Variants in TECRL observed in about 807,000 individuals in gnomAD.
The protein encoded by TECRL is trans-2,3-enoyl-CoA reductase like.
TECRL carries 63 observed loss-of-function variants against 52.8 expected under a neutral mutation model. That is an observed-to-expected ratio of 1.19 (90% CI 0.97 to 1.47). The LOEUF is 1.47. Ranked by LOEUF, TECRL falls within the 40% of genes most tolerant of loss-of-function variation. The pLI, the probability that TECRL is intolerant of heterozygous loss-of-function variation, is 0.00. For synonymous variants in TECRL, 164 were observed against 141.9 expected (o/e 1.16, Z -1.10); for missense variants, 482 against 429.6 (o/e 1.12, Z -1.08).
At chr4:64,303,256 T>C (rs563424085) in intron 7 of TECRL, among the ~76,000 whole-genome samples, 1 of 151,590 alleles carries the variant, frequency 6.6e-6, no homozygotes, top group Admixed American at 6.6e-5. Context: ...AAACAATAAA[T>C]GGCATAAGCA....
intron 1 of TECRL, among the ~76,000 whole-genome samples, chr4:64,406,506 TTCTC>T (rs566769111): frequency 1.6e-3 from 247 of 151,984 alleles, no homozygotes; most frequent in African/African-American, 3.4e-3. Context: ...GTATATTACT[TTCTC>T]TCTCCAAATG....
At chr4:64,321,330 GTTGT>G (rs928271415) in intron 4 of TECRL, among the ~76,000 whole-genome samples, 3 of 151,866 alleles carry the variant, frequency 2.0e-5, no homozygotes, top group Non-Finnish European at 4.4e-5. Flanking sequence ...ACAAAAATTG[GTTGT>G]TTAATTGTAA....
chr4:64,306,578 G>T (rs1331005889), intron 6 of TECRL, among the ~76,000 whole-genome samples: 1 of 152,122 alleles, frequency 6.6e-6, no homozygotes, highest in African/African-American at 2.4e-5. Context: ...TGAGTAGCTT[G>T]CTTACTCATC....
intron 4 of TECRL, among the ~76,000 whole-genome samples, chr4:64,316,963 G>T (rs530897629): frequency 9.9e-5 from 15 of 152,132 alleles, no homozygotes; most frequent in Non-Finnish European, 1.8e-4. Context: ...AATCTTCAAC[G>T]TGATATATGT....
chr4:64,293,701 T>C (rs1443007940), intron 8 of TECRL, among the ~76,000 whole-genome samples: 1 of 151,952 alleles, frequency 6.6e-6, no homozygotes, highest in Non-Finnish European at 1.5e-5. Flanking sequence ...GATCATTCTC[T>C]TCCTTAAAGA....
rs770190526 is a variant in TECRL, at chr4:64,322,697, A to G, written c.427T>C (p.Trp143Arg). ...YATDLGQQVSWTTVFLAEYTG... is the reference protein window; with the variant it reads ...YATDLGQQVSRTTVFLAEYTG... ...TTCAAATTAACACTTACTGTGGTCC[A>G]ACTGACTTGTTGACCTAGGTCTGTA... is the stretch of plus-strand genomic sequence containing the variant. The change falls in exon 4 of 12, where the codon TGG becomes CGG. Residue 143 changes from tryptophan (W) to arginine (R), a missense_variant. Coordinates refer to ENST00000381210, the MANE Select transcript of TECRL (RefSeq NM_001010874.5). 3 of 1,597,416 alleles carry G rather than the reference A, an allele frequency of 1.9e-6. No individual in the cohort carries two copies. The highest frequency in any genetic ancestry group is 1.3e-5 in the African/African-American group (1 of 74,398).
intron 2 of TECRL, among the ~76,000 whole-genome samples, chr4:64,364,495 AGATT>A (rs1175556703): frequency 6.6e-6 from 1 of 152,058 alleles, no homozygotes; most frequent in African/African-American, 2.4e-5. Context: ...ATAATAAATA[AGATT>A]GATAGATGGC....
intron 2 of TECRL, among the ~76,000 whole-genome samples, chr4:64,369,344 G>A (rs1026884811): frequency 1.3e-5 from 2 of 151,926 alleles, no homozygotes; most frequent in African/African-American, 4.8e-5. Flanking sequence ...TAATAATTTA[G>A]TAGTTTTTTT....
intron 2 of TECRL, among the ~76,000 whole-genome samples, chr4:64,348,085 C>T (rs775563603): frequency 2.1e-4 from 32 of 152,224 alleles, no homozygotes; most frequent in Non-Finnish European, 2.9e-4. Flanking sequence ...TACCAATTTA[C>T]CGTAGTAGTC....
At chr4:64,306,684 C>A (rs955041855) in intron 6 of TECRL, among the ~76,000 whole-genome samples, 1 of 152,150 alleles carries the variant, frequency 6.6e-6, no homozygotes, top group Non-Finnish European at 1.5e-5. Context: ...CAAGGAGACC[C>A]ACTGGCACTG....
chr4:64,292,627 T>G (rs1723454111), intron 8 of TECRL, among the ~76,000 whole-genome samples: 1 of 152,026 alleles, frequency 6.6e-6, no homozygotes. Flanking sequence ...GTACTTTTAG[T>G]CAAAAAGTTT....
chr4:64,353,658 T>C (rs147649405), intron 2 of TECRL, among the ~76,000 whole-genome samples: 5 of 152,276 alleles, frequency 3.3e-5, no homozygotes, highest in African/African-American at 1.2e-4. Flanking sequence ...AAGATACTAA[T>C]ATATAAGATA....
At chr4:64,287,159 T>A (rs1221860106) in intron 9 of TECRL, among the ~76,000 whole-genome samples, 4 of 152,132 alleles carry the variant, frequency 2.6e-5, no homozygotes, top group African/African-American at 7.2e-5. Context: ...TAATTTTTTT[T>A]CACCAAGATA....
intron 6 of TECRL, among the ~76,000 whole-genome samples, chr4:64,307,996 G>A (rs530104458): frequency 6.6e-6 from 1 of 152,210 alleles, no homozygotes; most frequent in African/African-American, 2.4e-5. Flanking sequence ...ACTAGAATTA[G>A]GACCACATGA....
chr4:64,360,947 G>A (rs1317750152), intron 2 of TECRL, among the ~76,000 whole-genome samples: 1 of 152,158 alleles, frequency 6.6e-6, no homozygotes, highest in Non-Finnish European at 1.5e-5. Context: ...GTGGAGCACA[G>A]CCATGGTCAC....
chr4:64,360,702 T>G (rs1721119110), intron 2 of TECRL, among the ~76,000 whole-genome samples: 1 of 152,092 alleles, frequency 6.6e-6, no homozygotes, highest in Non-Finnish European at 1.5e-5. Context: ...GAACTCTTCA[T>G]GGGGTGGCCA....
chr4:64,343,324 G>T lies in TECRL; in HGVS notation c.287-14768C>A, dbSNP rs551469685. ...TTACTTGGTGGTGCAAAATGATACC[G>T]TGCTCAAAGAAAGGTTTATAAACAA... On this transcript the variant is annotated intron_variant, in intron 2 of 11. Transcript: ENST00000381210. Among the ~76,000 whole-genome samples the T allele has an allele frequency of 3.3e-5, 5 of 152,070 alleles. No individual in the cohort carries two copies. In the South Asian group the frequency reaches 1.0e-3, roughly 32 times the overall value.
At chr4:64,291,982 A>G (rs1209813083) in intron 8 of TECRL, among the ~76,000 whole-genome samples, 1 of 152,010 alleles carries the variant, frequency 6.6e-6, no homozygotes, top group Non-Finnish European at 1.5e-5. Flanking sequence ...TTAAAGAGCA[A>G]TAATAACTAG....
intron 1 of TECRL, among the ~76,000 whole-genome samples, chr4:64,398,706 A>G (rs1724140138): frequency 6.6e-6 from 1 of 152,198 alleles, no homozygotes; most frequent in African/African-American, 2.4e-5. Context: ...GAAGTATTGC[A>G]CACCTGAGAA....
Sources: allele counts gnomAD v4.1 joint callset (sites outside exome capture counted in the v4.1 genomes callset), GRCh38; gene constraint gnomAD v4.1.1; transcripts MANE v1.5; gene names NCBI Gene and HGNC (gene_info 2026-07-23, HGNC 2026-07-21).